CDC42SE2: variants seen among roughly 807,000 people sequenced by gnomAD.
CDC42SE2 encodes CDC42 small effector protein 2.
Under a neutral mutation model 11.5 loss-of-function variants are expected in CDC42SE2, and 3 were observed. The observed-to-expected ratio is 0.26, with a 90% CI of 0.12 to 0.67. CDC42SE2 has a LOEUF of 0.67. Among genes scored for constraint, CDC42SE2 ranks in the 30% least tolerant of loss-of-function variants. The probability of loss-of-function intolerance (pLI) is 0.80; values close to 1 mark genes in which losing one functional copy is unlikely to be tolerated. For synonymous variants in CDC42SE2, 33 were observed against 34.8 expected (o/e 0.95, Z 0.18); for missense variants, 82 against 106.8 (o/e 0.77, Z 1.02).
the CDC42SE2 span, among the ~76,000 whole-genome samples, chr5:131,218,920 T>TA: frequency 6.6e-6 from 1 of 152,252 alleles, no homozygotes; most frequent in African/African-American, 2.4e-5. Flanking sequence ...ACACTTTAAT[T>TA]AAAATGTTTA....
chr5:131,389,253 G>A (rs941106549), intron 4 of CDC42SE2, among the ~76,000 whole-genome samples: 2 of 152,156 alleles, frequency 1.3e-5, no homozygotes, highest in African/African-American at 4.8e-5. Flanking sequence ...TTACCATAAA[G>A]GGGAAGATGA....
intron 3 of CDC42SE2, among the ~76,000 whole-genome samples, chr5:131,378,526 C>T (rs929446277): frequency 2.0e-5 from 3 of 152,180 alleles, no homozygotes; most frequent in African/African-American, 2.4e-5. Context: ...CTTCTCTTAA[C>T]GGTTCTGTAA....
At chr5:131,318,152 T>C (rs1758089619) in intron 2 of CDC42SE2, among the ~76,000 whole-genome samples, 2 of 152,086 alleles carry the variant, frequency 1.3e-5, no homozygotes, top group South Asian at 2.1e-4. Context: ...TTGTCCAGGC[T>C]GGTCTTGAAC....
the CDC42SE2 span, among the ~76,000 whole-genome samples, chr5:131,238,154 G>C: frequency 6.6e-6 from 1 of 150,992 alleles, no homozygotes; most frequent in African/African-American, 2.5e-5. Flanking sequence ...GTGAGGGCAA[G>C]GGGAGGGAGA....
At chr5:131,301,390 C>A (rs1413358651) in intron 1 of CDC42SE2, among the ~76,000 whole-genome samples, 1 of 152,030 alleles carries the variant, frequency 6.6e-6, no homozygotes, top group Non-Finnish European at 1.5e-5. Flanking sequence ...TGCCAATTAC[C>A]CCGACCACTA....
chr5:131,388,162 T>A (rs1344226937), intron 4 of CDC42SE2, among the ~76,000 whole-genome samples: 4 of 152,020 alleles, frequency 2.6e-5, no homozygotes, highest in African/African-American at 9.7e-5. Context: ...GCCTGGCTAA[T>A]TTTTTGTATT....
chr5:131,358,808 ACTGT>A (rs1227421144), intron 2 of CDC42SE2, among the ~76,000 whole-genome samples: 1 of 152,228 alleles, frequency 6.6e-6, no homozygotes, highest in Non-Finnish European at 1.5e-5. Flanking sequence ...TGTGTCAATT[ACTGT>A]CTGAGTTGTC....
intron 2 of CDC42SE2, among the ~76,000 whole-genome samples, chr5:131,258,093 G>A (rs1756692995): frequency 6.6e-6 from 1 of 152,142 alleles, no homozygotes; most frequent in African/African-American, 2.4e-5. Context: ...ATGCCAGCCT[G>A]CCAATACTCA....
At chr5:131,368,252 C>CAA (rs543328653) in intron 3 of CDC42SE2, among the ~76,000 whole-genome samples, 15 of 65,276 alleles carry the variant, frequency 2.3e-4, no homozygotes, top group South Asian at 1.0e-3. Context: ...GACTCCATCT[C>CAA]AAAAAAAAAA....
intron 1 of CDC42SE2, among the ~76,000 whole-genome samples, chr5:131,279,424 G>C (rs1757187347): frequency 6.7e-6 from 1 of 149,252 alleles, no homozygotes; most frequent in African/African-American, 2.5e-5. Context: ...AACTGATTCA[G>C]TTTGTTATAT....
At chr5:131,307,173 G>A (rs928558186) in intron 1 of CDC42SE2, among the ~76,000 whole-genome samples, 4 of 150,690 alleles carry the variant, frequency 2.7e-5, no homozygotes, top group African/African-American at 7.3e-5. Flanking sequence ...CCACTAACTC[G>A]TCATCTAGCA....
chr5:131,322,232 G>A (rs528713392), intron 2 of CDC42SE2, among the ~76,000 whole-genome samples: 116 of 152,278 alleles, frequency 7.6e-4, no homozygotes, highest in South Asian at 3.3e-3. Flanking sequence ...GTTGAGTAGT[G>A]TTAAGTATGT....
At chr5:131,337,469 T>C (rs1758600994) in intron 2 of CDC42SE2, among the ~76,000 whole-genome samples, 1 of 152,192 alleles carries the variant, frequency 6.6e-6, no homozygotes, top group Admixed American at 6.5e-5. Context: ...AGCTGCATGC[T>C]GGGAAAACCA....
intron 3 of CDC42SE2, among the ~76,000 whole-genome samples, chr5:131,364,495 A>G (rs1041729738): frequency 2.6e-4 from 40 of 152,182 alleles, no homozygotes; most frequent in African/African-American, 9.4e-4. Flanking sequence ...CAGGTCATGA[A>G]AAGACTGGTT....
Position 131,336,908 on chromosome 5 carries a change from C to T in CDC42SE2, c.-286+20764C>T, listed in dbSNP as rs550539648. 4.6e-5 allele frequency among the ~76,000 whole-genome samples: 7 copies of T among 152,216 alleles called. No homozygotes were observed. The East Asian group carries it at 7.7e-4, about 17-fold the overall frequency. ...CAAAGTTTTTAACTTCCTTGCCATT[C>T]GTTCGAACTTCCTCCGTTAGCACAG... is the stretch of plus-strand genomic sequence containing the variant. On this transcript the variant is annotated intron_variant, in intron 2 of 4. Coordinates refer to ENST00000505065, the MANE Select transcript of CDC42SE2 (RefSeq NM_001375635.1).
At chr5:131,321,756 A>C (rs1264166231) in intron 2 of CDC42SE2, among the ~76,000 whole-genome samples, 1 of 152,056 alleles carries the variant, frequency 6.6e-6, no homozygotes. Flanking sequence ...ACTGGGTAAA[A>C]GGAAAAAAGG....
the CDC42SE2 span, among the ~76,000 whole-genome samples, chr5:131,219,768 C>T: frequency 6.6e-6 from 1 of 152,118 alleles, no homozygotes; most frequent in African/African-American, 2.4e-5. Flanking sequence ...AAAACCCCAT[C>T]TTTACTACAA....
At chr5:131,295,339 G>A (rs1000742800) in intron 1 of CDC42SE2, among the ~76,000 whole-genome samples, 4 of 151,832 alleles carry the variant, frequency 2.6e-5, no homozygotes, top group African/African-American at 9.7e-5. Context: ...AGCTATTACA[G>A]CATCATCGTG....
Position 131,302,406 on chromosome 5 carries a change from C to T in CDC42SE2, c.-454-13570C>T, listed in dbSNP as rs144225008. Among the ~76,000 whole-genome samples the T allele has an allele frequency of 4.9e-3, 753 of 152,214 alleles. 5 individuals are homozygous for T. The highest frequency in any genetic ancestry group is 7.5e-3 in the African/African-American group (311 of 41,538). ...GTTGGTGAGGCTGGTCACGAACTCC[C>T]GACCTCGGGTGATCCGCCTGCCTCG... On this transcript the variant is annotated intron_variant, in intron 1 of 4. Coordinates refer to ENST00000505065, the MANE Select transcript of CDC42SE2 (RefSeq NM_001375635.1).
Sources: gnomAD v4.1 joint callset for allele counts (sites outside exome capture counted in the v4.1 genomes callset) on GRCh38, gnomAD v4.1.1 for gene constraint, MANE v1.5 for transcripts, NCBI Gene and HGNC (gene_info 2026-07-23, HGNC 2026-07-21) for gene names.